Variants in LRRC37A2 observed in about 807,000 individuals in gnomAD.
The protein encoded by LRRC37A2 is leucine rich repeat containing 37 member A2.
In LRRC37A2, 9 loss-of-function variants were observed where a neutral mutation model predicts 68.8. The ratio of observed to expected loss-of-function variants is 0.13; its 90% CI spans 0.08 to 0.23. The LOEUF (loss-of-function observed/expected upper bound fraction) is 0.23, where lower values mean the gene tolerates loss of function less well. LRRC37A2 is among the 10% of genes least tolerant of loss of function. The probability of loss-of-function intolerance (pLI) is 1.00; values close to 1 mark genes in which losing one functional copy is unlikely to be tolerated. For synonymous variants in LRRC37A2, 63 were observed against 367.6 expected, an observed-to-expected ratio of 0.17 and a Z score of 9.48; for missense variants, 168 against 950.4, an observed-to-expected ratio of 0.18 and a Z score of 10.82.
chr17:46,736,547 T>G, the LRRC37A2 span, among the ~76,000 whole-genome samples: 1 of 152,236 alleles, frequency 6.6e-6, no homozygotes, highest in Non-Finnish European at 1.5e-5. Context: ...ATTTCTTTTT[T>G]ATTTTGCTTT....
At chr17:46,999,590 T>C in the LRRC37A2 span, among the ~76,000 whole-genome samples, 2 of 151,940 alleles carry the variant, frequency 1.3e-5, no homozygotes, top group African/African-American at 4.8e-5. Context: ...GCTCAAGTGA[T>C]CCGCCCACCT....
chr17:46,935,500 TG>T, the LRRC37A2 span: 1 of 1,334,098 alleles, frequency 7.5e-7, no homozygotes, highest in Non-Finnish European at 9.6e-7. Flanking sequence ...AATCTACTCT[TG>T]GAAGAATGAA....
chr17:46,919,296 A>C, the LRRC37A2 span, among the ~76,000 whole-genome samples: 1 of 152,226 alleles, frequency 6.6e-6, no homozygotes, highest in African/African-American at 2.4e-5. Context: ...ATGCCAAGAG[A>C]ATATCAGCAG....
the LRRC37A2 span, among the ~76,000 whole-genome samples, chr17:46,779,090 CACACACACACA>C: frequency 1.3e-5 from 2 of 148,336 alleles, no homozygotes; most frequent in South Asian, 2.1e-4. Flanking sequence ...CACACACACA[CACACACACACA>C]CACCCCAGCC....
At chr17:46,716,458 C>T in the LRRC37A2 span, among the ~76,000 whole-genome samples, 5 of 152,168 alleles carry the variant, frequency 3.3e-5, no homozygotes, top group South Asian at 2.1e-4. Context: ...GGGGTTTCAC[C>T]GTGTTAGCCA....
At chr17:46,818,859 C>T in the LRRC37A2 span, 8 of 546,910 alleles carry the variant, frequency 1.5e-5, no homozygotes, top group African/African-American at 7.6e-5. Context: ...GCCCCTCCCG[C>T]CCGGCCCACA....
At chr17:46,773,979 C>T in the LRRC37A2 span, 36 of 1,564,066 alleles carry the variant, frequency 2.3e-5, no homozygotes, top group Non-Finnish European at 2.9e-5. Flanking sequence ...ACCATGGCCG[C>T]TTTGTGAACC....
chr17:46,825,244 A>C, the LRRC37A2 span, among the ~76,000 whole-genome samples: 2 of 152,100 alleles, frequency 1.3e-5, no homozygotes, highest in Admixed American at 6.5e-5. Flanking sequence ...CTGGAACTAG[A>C]GCTCCTGAGT....
At chr17:46,853,389 T>TTTTTTAA in the LRRC37A2 span, among the ~76,000 whole-genome samples, 3 of 146,384 alleles carry the variant, frequency 2.0e-5, no homozygotes, top group African/African-American at 2.6e-5. Context: ...TTTTTTTTTT[T>TTTTTTAA]AAGACGGAGT....
At chr17:46,947,587 A>G in the LRRC37A2 span, among the ~76,000 whole-genome samples, 1 of 152,092 alleles carries the variant, frequency 6.6e-6, no homozygotes, top group Non-Finnish European at 1.5e-5. Context: ...GGGTGGTGGG[A>G]TGATGTTTGA....
At chr17:46,806,904 C>T in the LRRC37A2 span, among the ~76,000 whole-genome samples, 1 of 152,328 alleles carries the variant, frequency 6.6e-6, no homozygotes, top group African/African-American at 2.4e-5. Context: ...ACGGGAGCAG[C>T]TCTGTTGGAG....
chr17:46,848,780 C>T, the LRRC37A2 span, among the ~76,000 whole-genome samples: 1 of 152,214 alleles, frequency 6.6e-6, no homozygotes, highest in Non-Finnish European at 1.5e-5. Context: ...CAATTCCTGC[C>T]TCCACTACAG....
chr17:46,943,632 G>C, the LRRC37A2 span, among the ~76,000 whole-genome samples: 1 of 152,152 alleles, frequency 6.6e-6, no homozygotes, highest in Non-Finnish European at 1.5e-5. Flanking sequence ...AGGCGCCATC[G>C]GGTAAGCGGC....
the LRRC37A2 span, among the ~76,000 whole-genome samples, chr17:46,986,366 T>G: frequency 5.3e-5 from 8 of 152,198 alleles, no homozygotes; most frequent in African/African-American, 1.4e-4. Flanking sequence ...CCTGGCGCAG[T>G]GCCTGGCACA....
the LRRC37A2 span, chr17:46,773,877 A>G: frequency 6.2e-7 from 1 of 1,612,474 alleles, no homozygotes; most frequent in Non-Finnish European, 8.5e-7. Context: ...CTGTGAGCCC[A>G]GAGATGTGTA....
At chr17:46,970,166 G>A in the LRRC37A2 span, among the ~76,000 whole-genome samples, 3 of 152,116 alleles carry the variant, frequency 2.0e-5, no homozygotes, top group African/African-American at 7.2e-5. Context: ...TCCATCCCAC[G>A]GCTGTCCTGC....
At chr17:46,803,041 C>T in the LRRC37A2 span, among the ~76,000 whole-genome samples, 1 of 152,146 alleles carries the variant, frequency 6.6e-6, no homozygotes, top group East Asian at 1.9e-4. Flanking sequence ...AGACCTCAAC[C>T]TATGGGATCA....
chr17:46,730,506 C>T, the LRRC37A2 span, among the ~76,000 whole-genome samples: 4 of 152,218 alleles, frequency 2.6e-5, no homozygotes, highest in African/African-American at 7.2e-5. Flanking sequence ...AAACTATTAA[C>T]GAATGATCTG....
At chr17:46,855,984 C>T in the LRRC37A2 span, among the ~76,000 whole-genome samples, 1 of 152,170 alleles carries the variant, frequency 6.6e-6, no homozygotes, top group Non-Finnish European at 1.5e-5. Context: ...CCACCATGCC[C>T]GGCCCCCAGT....
Sources: allele counts gnomAD v4.1 joint callset (sites outside exome capture counted in the v4.1 genomes callset), GRCh38; gene constraint gnomAD v4.1.1; transcripts MANE v1.5; gene names NCBI Gene and HGNC (gene_info 2026-07-23, HGNC 2026-07-21).